The following MX1 variants were observed in gnomAD, a reference collection of about 807,000 sequenced individuals.
The protein encoded by MX1 is MX dynamin like GTPase 1, also known as interferon-induced GTP-binding protein Mx1.
Under a neutral mutation model 66.4 loss-of-function variants are expected in MX1, and 66 were observed. The ratio of observed to expected loss-of-function variants is 0.99; its 90% CI spans 0.82 to 1.22. The LOEUF is 1.22. Among genes scored for constraint, MX1 ranks in the 50% most tolerant of loss-of-function variants. MX1 has a pLI of 0.00. For synonymous variants in MX1, 311 were observed against 318.1 expected (o/e 0.98, Z 0.24); for missense variants, 787 against 834.3 (o/e 0.94, Z 0.70).
chr21:41,449,944 T>C (rs1394624397), intron 14 of MX1, among the ~76,000 whole-genome samples: 1 of 152,130 alleles, frequency 6.6e-6, no homozygotes, highest in African/African-American at 2.4e-5. Context: ...GTCTTTCTAG[T>C]GCCCGGCCCC....
rs75077091 is a variant in MX1, at chr21:41,431,952, C to T, written c.-21-98C>T. The T allele has an allele frequency of 2.6e-3, 2,341 of 901,046 alleles. 43 individuals carry two copies. The African/African-American group carries it at 0.034, about 13-fold the overall frequency. 55.8% of individuals were successfully genotyped at this position (901,046 alleles called of 1,614,324 possible). On this transcript the variant is annotated intron_variant, in intron 4 of 16. Transcript: ENST00000398598. ...CACCATGAACAACTAGTCAGAGTCC[C>T]CACCTCCAGGGGCCTTCCGTTCTGG... is the stretch of plus-strand genomic sequence containing the variant.
intron 10 of MX1, 125 bp from the exon 11 acceptor site, chr21:41,443,663 A>T: frequency 1.3e-6 from 1 of 799,146 alleles, no homozygotes; most frequent in South Asian, 1.5e-5. Context: ...TTGGGTACCA[A>T]CTGCAAGACA....
chr21:41,432,077 G>A lies in MX1; in HGVS notation c.7G>A (p.Val3Ile). The change falls in exon 5 of 17, where the codon GTT (valine) becomes ATT (isoleucine). Residue 3 changes from valine (V) to isoleucine (I), a missense_variant. Val to Ile is a conservative substitution (Grantham distance 29). Coordinates refer to ENST00000398598, the MANE Select transcript of MX1 (RefSeq NM_002462.5). The part of the protein sequence containing the change: MV[V>I]SEVDIAKADP... ...TACTTTGCAAAGAAGGAAGATGGTT[G>A]TTTCCGAAGTGGACATCGCAAAAGC... The A allele has an allele frequency of 6.2e-7, 1 of 1,614,054 alleles. No homozygotes were observed. Among genetic ancestry groups the A allele is most frequent in the Non-Finnish European group, 8.5e-7 (1 of 1,179,992 alleles).
At position 41,427,866 on chromosome 21, in the gene MX1, G is replaced by C. The variant is rs764257381; in HGVS notation, c.-98G>C. On this transcript the variant is annotated splice_region_variant and 5_prime_UTR_variant, in exon 3 of 17. Transcript: ENST00000398598. ...CGCCGCCATCCAGCCACCATTCCAA[G>C]GTAAGGCAGAAATGAAGTGGGCCGT... 2.0e-5 allele frequency: 3 copies of C among 152,284 alleles called. No homozygotes were observed. Among genetic ancestry groups the C allele is most frequent in the Non-Finnish European group, 4.4e-5 (3 of 68,106 alleles). The allele number at this position is 152,284 out of a possible 1,614,324, so 9.4% of individuals were successfully genotyped here. A position where few individuals can be genotyped will look rare whatever the true frequency, so the allele number is the denominator to read the frequency against.
Position 41,441,425 on chromosome 21 carries a change from T to C in MX1, c.731-291T>C, listed in dbSNP as rs2090508474. The C allele has an allele frequency of 4.0e-6, 2 of 502,682 alleles. No homozygotes were observed. The allele number at this position is 502,682 out of a possible 1,614,324, so 31.1% of individuals were successfully genotyped here. A position where few individuals can be genotyped will look rare whatever the true frequency, so the allele number is the denominator to read the frequency against. On this transcript the variant is annotated intron_variant, in intron 9 of 16. Transcript: ENST00000398598. The surrounding 1 kb of genome is among the most constrained non-coding windows in gnomAD (Gnocchi z 4.0). ...TTAAGAATGCATTTGAGATGGGATG[T>C]CCATAACTCAAGGGATAAACAAAAC...
chr21:41,424,008 C>G (rs2090019032), upstream of MX1, among the ~76,000 whole-genome samples: 1 of 152,126 alleles, frequency 6.6e-6, no homozygotes, highest in African/African-American at 2.4e-5. Flanking sequence ...TGTTCGTGAA[C>G]AAGGGCCCTT....
intron 14 of MX1, 98 bp downstream of exon 14, chr21:41,449,393 C>T (rs2090761718): frequency 8.1e-6 from 10 of 1,239,718 alleles, no homozygotes; most frequent in Non-Finnish European, 1.1e-5. Context: ...TCCTGGGGTG[C>T]ATCCCACACC....
chr21:41,444,841 C>T (rs1227398290), intron 11 of MX1, among the ~76,000 whole-genome samples: 1 of 152,080 alleles, frequency 6.6e-6, no homozygotes, highest in Non-Finnish European at 1.5e-5. Flanking sequence ...CTCCTTGAGC[C>T]CCTGCCTGGC....
chr21:41,442,040 C>T (rs201255141), intron 10 of MX1, 126 bp downstream of exon 10: 242 of 644,386 alleles, frequency 3.8e-4, no homozygotes, highest in Non-Finnish European at 4.5e-4. Context: ...TGTGTGTGTG[C>T]GCGTGTGTGT....
At chr21:41,421,582 G>A (rs1200024212), upstream of MX1, among the ~76,000 whole-genome samples, 1 of 152,218 alleles carries the variant, frequency 6.6e-6, no homozygotes, top group East Asian at 1.9e-4. Context: ...TTAGGGCGTG[G>A]TGATGACTCT....
rs562050037 is a variant in MX1, at chr21:41,458,730, G to A, written c.1961G>A (p.Arg654Gln). The A allele has an allele frequency of 1.6e-5, 26 of 1,613,306 alleles. No homozygotes were observed. The highest frequency in any genetic ancestry group is 8.0e-5 in the African/African-American group (6 of 75,054). The change falls in exon 17 of 17, where the codon CGG (arginine) becomes CAG (glutamine). Residue 654 changes from arginine to glutamine, a missense_variant. Transcript: ENST00000398598. ...CGGCTTGCACGGCTGACGCAGGCTC[G>A]GCGCCGGCTTGCCCAGTTCCCCGGT... is the stretch of plus-strand genomic sequence containing the variant. ...KERLARLTQA[R>Q]RRLAQFPG
At chr21:41,432,919 A>T (rs1374803670) in intron 5 of MX1, among the ~76,000 whole-genome samples, 7 of 152,192 alleles carry the variant, frequency 4.6e-5, no homozygotes, top group Admixed American at 4.6e-4. Context: ...GAGGACCACC[A>T]CCTTTCCACC....
chr21:41,441,996 A>G lies in MX1; in HGVS notation c.929+82A>G, dbSNP rs1051307325. On this transcript the variant is annotated intron_variant, in intron 10 of 16. Transcript: ENST00000398598. This position sits in a 1 kb window ranked among gnomAD's most constrained non-coding sequence, Gnocchi z 4.0. ...CAGGGGACAGTGGCAGCCGTCCCAC[A>G]GATGTGTGGAGTGTGTGTGTGTGTG... 2.8e-4 allele frequency: 365 copies of G among 1,293,456 alleles called. 1 individual carries two copies. The highest frequency in any genetic ancestry group is 1.4e-4 in the Admixed American group (8 of 57,682). The allele number at this position is 1,293,456 out of a possible 1,614,324, so 80.1% of individuals were successfully genotyped here.
rs746992623 is a variant in MX1 at position 41,439,729 on chromosome 21, A to G, written c.472A>G (p.Ser158Gly). Residue 158 changes from serine to glycine, a missense_variant, in exon 8 of 17, where the codon AGT becomes GGT. By Grantham distance (56) the Ser-to-Gly change is moderately conservative. Coordinates refer to ENST00000398598, the MANE Select transcript of MX1 (RefSeq NM_002462.5). ...CATCGCCGGGGAAGGAATGGGAATC[A>G]GTCATGAGCTAATCACCCTGGAGAT... ...NAIAGEGMGISHELITLEISS... is the reference protein window; with the variant it reads ...NAIAGEGMGIGHELITLEISS... The G allele has an allele frequency of 2.5e-6, 4 of 1,614,060 alleles. No homozygotes were observed. Among genetic ancestry groups the G allele is most frequent in the Non-Finnish European group, 3.4e-6 (4 of 1,179,960 alleles).
At position 41,427,287 on chromosome 21, in the gene MX1, C is replaced by T. The variant is rs2090089908; in HGVS notation, c.-227C>T. 1 of 152,254 alleles carries T rather than the reference C, an allele frequency of 6.6e-6. No individual in the cohort carries two copies. Among genetic ancestry groups the T allele is most frequent in the Admixed American group, 6.5e-5 (1 of 15,290 alleles). 9.4% of individuals were successfully genotyped at this position (152,254 alleles called of 1,614,324 possible). A position where few individuals can be genotyped will look rare whatever the true frequency, so the allele number is the denominator to read the frequency against. On this transcript the variant is annotated 5_prime_UTR_variant, in exon 2 of 17. Transcript: ENST00000398598. ...CGCGCCCTTGCCGCCCACCTGCTCA[C>T]CCAGCTCAGGGGCTTTGGTAGGTAG...
chr21:41,458,423 C>G (rs2091005888), intron 16 of MX1, 105 bp from the exon 17 acceptor site: 3 of 1,256,364 alleles, frequency 2.4e-6, no homozygotes, highest in Admixed American at 2.2e-5. Context: ...CTGCGAGGGT[C>G]TCCCTCATTG....
At chr21:41,433,862 G>A (rs1374163592) in intron 5 of MX1, among the ~76,000 whole-genome samples, 1 of 152,206 alleles carries the variant, frequency 6.6e-6, no homozygotes, top group Non-Finnish European at 1.5e-5. Flanking sequence ...CAAACAAAAA[G>A]TTATAAGGTG....
rs1191510937 is a variant in MX1, at chr21:41,441,273, C to G, written c.730+248C>G. 4 of 504,676 alleles carry G rather than the reference C, an allele frequency of 7.9e-6. No individual in the cohort carries two copies. The highest frequency in any genetic ancestry group is 1.4e-5 in the Non-Finnish European group (4 of 285,740). 31.3% of individuals were successfully genotyped at this position (504,676 alleles called of 1,614,324 possible). A position where few individuals can be genotyped will look rare whatever the true frequency, so the allele number is the denominator to read the frequency against. On this transcript the variant is annotated intron_variant, in intron 9 of 16. Coordinates refer to ENST00000398598, the MANE Select transcript of MX1 (RefSeq NM_002462.5). This position sits in a 1 kb window ranked among gnomAD's most constrained non-coding sequence, Gnocchi z 4.0. ...CTAAGGGAGCAGGTTTGGTGCCCAC[C>G]AAGGCCAAGTGAAATGAGCTGCTTT... is the stretch of plus-strand genomic sequence containing the variant.
intron 7 of MX1, among the ~76,000 whole-genome samples, chr21:41,438,656 C>G (rs147873425): frequency 6.6e-6 from 1 of 152,350 alleles, no homozygotes; most frequent in East Asian, 1.9e-4. Flanking sequence ...TTTTCTCTCT[C>G]TCCATGGAAG....
Sources: gnomAD v4.1 joint callset for allele counts (sites outside exome capture counted in the v4.1 genomes callset) on GRCh38, gnomAD v4.1.1 for gene constraint, Gnocchi (gnomAD v3.1) non-coding constraint, MANE v1.5 for transcripts, NCBI Gene and HGNC (gene_info 2026-07-23, HGNC 2026-07-21) for gene names.